The following BRME1 variants were observed in gnomAD, a reference collection of about 807,000 sequenced individuals.
BRME1 encodes the protein BRCA2 and MEILB2-associating protein 1.
BRME1 carries 31 observed loss-of-function variants against 52.6 expected under a neutral mutation model. The ratio of observed to expected loss-of-function variants is 0.59; its 90% CI spans 0.44 to 0.80. BRME1 has a LOEUF of 0.80. BRME1 is among the 30% of genes least tolerant of loss of function. The pLI is 0.00. For missense variants in BRME1, 804 were observed against 860.3 expected (o/e 0.93, Z 0.82); for synonymous variants, 359 against 353.6 (o/e 1.02, Z -0.17).
intron 3 of BRME1, among the ~76,000 whole-genome samples, chr19:13,894,935 T>C (rs10421348): frequency 0.039 from 5,953 of 152,122 alleles, 394 homozygotes; most frequent in African/African-American, 0.14. Flanking sequence ...GGCTGGAGCG[T>C]AGTGGCATGA....
intron 6 of BRME1, among the ~76,000 whole-genome samples, chr19:13,887,015 C>CA (rs1969080251): frequency 6.6e-6 from 1 of 152,196 alleles, no homozygotes; most frequent in Non-Finnish European, 1.5e-5. Context: ...GAAGCTCCAT[C>CA]AGTCCAAGAG....
chr19:13,903,132 AAAGTCTGG>A (rs1260350627), intron 2 of BRME1, among the ~76,000 whole-genome samples: 1 of 152,142 alleles, frequency 6.6e-6, no homozygotes, highest in Non-Finnish European at 1.5e-5. Flanking sequence ...AGTTTTCTTA[AAAGTCTGG>A]AAGAAGAATT....
At chr19:13,885,903 C>G in intron 7 of BRME1, 58 bp downstream of exon 7, 1 of 1,492,710 alleles carries the variant, frequency 6.7e-7, no homozygotes, top group Non-Finnish European at 9.3e-7. Flanking sequence ...CATCTGTCAC[C>G]CTCCTTGGTA....
chr19:13,885,991 T>TC lies in BRME1; in HGVS notation c.1732dup (p.Asp578GlyfsTer20). 6.2e-7 allele frequency: 1 copy of TC among 1,613,898 alleles called. No homozygotes were observed. The highest frequency in any genetic ancestry group is 8.5e-7 in the Non-Finnish European group (1 of 1,179,992). On this transcript the variant is annotated frameshift_variant, in exon 7 of 9. Transcript: ENST00000586783. LOFTEE classifies it high-confidence loss of function. ...CTGGGCCTTGGCCACTGCAACAGGGTCTCCATTGGCATGTGAGCTGGGGCC... is the reference window on the plus strand; with the variant it reads ...CTGGGCCTTGGCCACTGCAACAGGGTCCTCCATTGGCATGTGAGCTGGGGCC...
chr19:13,893,551 G>T (rs893359518), intron 3 of BRME1, among the ~76,000 whole-genome samples: 1 of 135,236 alleles, frequency 7.4e-6, no homozygotes, highest in Admixed American at 7.1e-5. Context: ...AAACAAACGA[G>T]GGGGATCTGA....
At position 13,882,437 on chromosome 19, in the gene BRME1, TCTC is replaced by T. The variant is rs1476020557; in HGVS notation, c.*362_*364del. 5 of 412,832 alleles carry T rather than the reference TCTC, an allele frequency of 1.2e-5. No homozygotes were observed. The highest frequency in any genetic ancestry group is 2.1e-5 in the Non-Finnish European group (5 of 234,658). The allele number at this position is 412,832 out of a possible 1,614,324, so 25.6% of individuals were successfully genotyped here. On this transcript the variant is annotated 3_prime_UTR_variant, in exon 9 of 9. Transcript: ENST00000586783. The stretch of plus-strand genomic sequence containing the variant: ...AGAAAGAAAACAAAGGGAGCTCTCT[TCTC>T]CTCCAGGAAAGAAACAAATTCTGAA...
At chr19:13,897,585 C>A (rs1283688463) in intron 2 of BRME1, among the ~76,000 whole-genome samples, 1 of 152,146 alleles carries the variant, frequency 6.6e-6, no homozygotes, top group East Asian at 1.9e-4. Flanking sequence ...GCCTTTGCCA[C>A]CAGCAAGGAA....
intron 2 of BRME1, among the ~76,000 whole-genome samples, chr19:13,904,376 G>A (rs1289807591): frequency 6.7e-6 from 1 of 150,374 alleles, no homozygotes; most frequent in Non-Finnish European, 1.5e-5. Flanking sequence ...CAAAGTGCTA[G>A]GATTACAGGC....
At position 13,892,902 on chromosome 19, in the gene BRME1, A is replaced by T; in HGVS notation, c.289-12T>A. ...CTCCCGAATGAGTTCTGTAAACCGG[A>T]TACAAGAACAAAGCAGCAATAAAGA... On this transcript the variant is annotated splice_polypyrimidine_tract_variant and intron_variant, in intron 4 of 8. Transcript: ENST00000586783. The T allele has an allele frequency of 6.2e-7, 1 of 1,605,240 alleles. No individual in the cohort carries two copies. The highest frequency in any genetic ancestry group is 8.5e-7 in the Non-Finnish European group (1 of 1,171,856).
rs1171775148 is a variant in BRME1, at chr19:13,888,551, GA to G, written c.1668+636del. ...AAGGCTGCCATCTGCCCAGACAGGA[GA>G]ATGAACGCCAACGGCTGGCACCGGC... On this transcript the variant is annotated intron_variant, in intron 6 of 8. Transcript: ENST00000586783. The surrounding 1 kb of genome is among the most constrained non-coding windows in gnomAD (Gnocchi z 4.1). 6.6e-6 allele frequency among the ~76,000 whole-genome samples: 1 copy of G among 152,268 alleles called. No individual in the cohort carries two copies. Among genetic ancestry groups the G allele is most frequent in the Non-Finnish European group, 1.5e-5 (1 of 68,042 alleles).
Position 13,904,906 on chromosome 19 carries a change from T to G in BRME1, c.-14A>C. 6.2e-7 allele frequency: 1 copy of G among 1,612,812 alleles called. No individual in the cohort carries two copies. On this transcript the variant is annotated 5_prime_UTR_variant, in exon 2 of 9. Coordinates refer to ENST00000586783, the MANE Select transcript of BRME1 (RefSeq NM_001345843.2). Reference sequence around the variant, plus strand: ...CCTCTTAGTCATTTTATCTTCCCCTTGAGAAATCTGAAAACAAGCAAAATC... The same window carrying G: ...CCTCTTAGTCATTTTATCTTCCCCTGGAGAAATCTGAAAACAAGCAAAATC...
At chr19:13,901,140 T>TA (rs1970267765) in intron 2 of BRME1, among the ~76,000 whole-genome samples, 1 of 150,704 alleles carries the variant, frequency 6.6e-6, no homozygotes, top group Non-Finnish European at 1.5e-5. Context: ...ACTGGTTAAT[T>TA]AAAATTTTTT....
intron 6 of BRME1, among the ~76,000 whole-genome samples, chr19:13,887,832 C>T (rs1969151207): frequency 2.0e-5 from 3 of 150,122 alleles, no homozygotes; most frequent in South Asian, 2.1e-4. Flanking sequence ...GGTGTAATCT[C>T]GGCTCACTGC....
At chr19:13,894,524 CAAAT>C (rs139351176) in intron 3 of BRME1, among the ~76,000 whole-genome samples, 51,339 of 151,350 alleles carry the variant, frequency 0.34, 11,791 homozygotes, top group African/African-American at 0.66. Context: ...GACCCTGTCT[CAAAT>C]AAATAAATAA....
chr19:13,885,847 T>C, intron 7 of BRME1, 114 bp downstream of exon 7: 6 of 841,892 alleles, frequency 7.1e-6, no homozygotes, highest in Non-Finnish European at 1.2e-5. Flanking sequence ...CCTGCTGGAC[T>C]GAGGAAGTCG....
intron 2 of BRME1, among the ~76,000 whole-genome samples, chr19:13,899,839 A>G (rs1240332428): frequency 6.6e-6 from 1 of 152,108 alleles, no homozygotes; most frequent in Admixed American, 6.6e-5. Flanking sequence ...TGTCTCTACT[A>G]CAAATACAAA....
Position 13,906,104 on chromosome 19 carries a change from C to A in BRME1, c.-411G>T, listed in dbSNP as rs1216485909. The A allele has an allele frequency of 3.8e-6, 1 of 260,022 alleles. No homozygotes were observed. The highest frequency in any genetic ancestry group is 2.2e-5 in the African/African-American group (1 of 44,722). The allele number at this position is 260,022 out of a possible 1,614,324, so 16.1% of individuals were successfully genotyped here. A position where few individuals can be genotyped will look rare whatever the true frequency, so the allele number is the denominator to read the frequency against. Reference sequence around the variant, plus strand: ...TCCCGCGCCCCGCGAGGTCCCGCCCCGCGCATGAGCGACGCAAACACCGCC... The same window carrying A: ...TCCCGCGCCCCGCGAGGTCCCGCCCAGCGCATGAGCGACGCAAACACCGCC... On this transcript the variant is annotated 5_prime_UTR_variant, in exon 1 of 9. Coordinates refer to ENST00000586783, the MANE Select transcript of BRME1 (RefSeq NM_001345843.2). The surrounding 1 kb of genome is among the most constrained non-coding windows in gnomAD (Gnocchi z 4.1).
chr19:13,903,850 A>C lies in BRME1; in HGVS notation c.31+1012T>G, dbSNP rs190788312. Among the ~76,000 whole-genome samples the C allele has an allele frequency of 4.6e-5, 7 of 152,228 alleles. No individual in the cohort carries two copies. The East Asian group carries it at 1.3e-3, about 29-fold the overall frequency. Reference sequence around the variant, plus strand: ...GGAAATCATCCACCACCACACACTGAGCAGAACTGGGATGAACCCAGGTTT... The same window carrying C: ...GGAAATCATCCACCACCACACACTGCGCAGAACTGGGATGAACCCAGGTTT... On this transcript the variant is annotated intron_variant, in intron 2 of 8. Coordinates refer to ENST00000586783, the MANE Select transcript of BRME1 (RefSeq NM_001345843.2).
chr19:13,886,958 G>C (rs1407813683), intron 6 of BRME1, among the ~76,000 whole-genome samples: 1 of 152,160 alleles, frequency 6.6e-6, no homozygotes, highest in Non-Finnish European at 1.5e-5. Flanking sequence ...ACAGAGCAAG[G>C]CCCTGTCTCT....
Sources: gnomAD v4.1 joint callset for allele counts (sites outside exome capture counted in the v4.1 genomes callset) on GRCh38, gnomAD v4.1.1 for gene constraint, Gnocchi (gnomAD v3.1) non-coding constraint, MANE v1.5 for transcripts, NCBI Gene and HGNC (gene_info 2026-07-23, HGNC 2026-07-21) for gene names.